Variants in RORB observed in about 807,000 individuals in gnomAD.
RORB encodes nuclear receptor ROR-beta.
RORB carries 6 observed loss-of-function variants against 59.1 expected under a neutral mutation model. The ratio of observed to expected loss-of-function variants is 0.10; its 90% CI spans 0.06 to 0.20. The LOEUF (loss-of-function observed/expected upper bound fraction) is 0.20. Ranked by LOEUF, RORB falls within the 10% of genes least tolerant of loss-of-function variation. The pLI is 1.00. For missense variants in RORB, 320 were observed against 560.5 expected (o/e 0.57, Z 4.33); for synonymous variants, 215 against 204.5 (o/e 1.05, Z -0.44).
chr9:74,586,045 C>T (rs1213092588), intron 1 of RORB, among the ~76,000 whole-genome samples: 22 of 151,994 alleles, frequency 1.4e-4, no homozygotes, highest in Non-Finnish European at 2.9e-4. Context: ...CCGCCCGCCT[C>T]GACCTCCCAA....
rs763954718 is a variant in RORB at position 74,527,494 on chromosome 9, A to G, written c.7+29511A>G. On this transcript the variant is annotated intron_variant, in intron 1 of 9. Transcript: ENST00000376896. The stretch of plus-strand genomic sequence containing the variant: ...ACAATGGTAAGTTCTACAAAGAATA[A>G]TAAAGCAAGGAAGAGGTTTAGAAAC... Among the ~76,000 whole-genome samples the G allele has an allele frequency of 9.9e-5, 15 of 152,064 alleles. 1 individual carries two copies. The highest frequency in any genetic ancestry group is 1.9e-4 in the Non-Finnish European group (13 of 67,954).
At chr9:74,550,421 G>A (rs944971453) in intron 1 of RORB, among the ~76,000 whole-genome samples, 2 of 152,202 alleles carry the variant, frequency 1.3e-5, no homozygotes, top group Non-Finnish European at 2.9e-5. Context: ...TCATTTAGCA[G>A]ACCAGGGTGG....
intron 1 of RORB, among the ~76,000 whole-genome samples, chr9:74,611,752 A>T (rs1367025450): frequency 6.6e-6 from 1 of 152,158 alleles, no homozygotes; most frequent in African/African-American, 2.4e-5. Flanking sequence ...GGCTCAAGCG[A>T]TTCTCCTGCC....
chr9:74,637,982 A>G (rs1823733235), intron 3 of RORB, among the ~76,000 whole-genome samples: 1 of 152,284 alleles, frequency 6.6e-6, no homozygotes, highest in South Asian at 2.1e-4. Flanking sequence ...GAGAGATTTT[A>G]AAATAATGAA....
At chr9:74,582,874 TA>T (rs1396551022) in intron 1 of RORB, among the ~76,000 whole-genome samples, 2 of 152,114 alleles carry the variant, frequency 1.3e-5, no homozygotes, top group Non-Finnish European at 2.9e-5. Flanking sequence ...TCTTGCAAAA[TA>T]AAAAAGATTC....
intron 9 of RORB, among the ~76,000 whole-genome samples, chr9:74,678,212 A>G (rs910783406): frequency 6.6e-6 from 1 of 152,238 alleles, no homozygotes; most frequent in African/African-American, 2.4e-5. Flanking sequence ...GAGAGCCAGA[A>G]TTTGAACCCA....
At chr9:74,560,699 T>G (rs1822384549) in intron 1 of RORB, among the ~76,000 whole-genome samples, 1 of 151,450 alleles carries the variant, frequency 6.6e-6, no homozygotes, top group African/African-American at 2.4e-5. Flanking sequence ...AAATAATAAA[T>G]TTATATAATA....
At chr9:74,639,716 A>G (rs909325952) in intron 3 of RORB, among the ~76,000 whole-genome samples, 42 of 152,214 alleles carry the variant, frequency 2.8e-4, no homozygotes, top group Admixed American at 2.6e-3. Flanking sequence ...ACTCTACAAC[A>G]AAGAGCTATT....
intron 1 of RORB, among the ~76,000 whole-genome samples, chr9:74,578,997 G>A (rs1408223177): frequency 5.3e-5 from 8 of 152,088 alleles, no homozygotes; most frequent in Non-Finnish European, 1.2e-4. Context: ...TTATATATAT[G>A]AGTAGATGAA....
chr9:74,581,664 A>G (rs1822725605), intron 1 of RORB, among the ~76,000 whole-genome samples: 2 of 152,136 alleles, frequency 1.3e-5, no homozygotes, highest in South Asian at 2.1e-4. Flanking sequence ...TACTCTCCCT[A>G]CAAAAGTCGG....
intron 1 of RORB, among the ~76,000 whole-genome samples, chr9:74,499,597 G>A (rs1317233633): frequency 6.6e-6 from 1 of 152,186 alleles, no homozygotes; most frequent in Non-Finnish European, 1.5e-5. Context: ...CCAGCTGATT[G>A]TCCCGGTTGG....
intron 1 of RORB, among the ~76,000 whole-genome samples, chr9:74,576,335 A>G (rs1822634618): frequency 6.6e-6 from 1 of 152,106 alleles, no homozygotes; most frequent in African/African-American, 2.4e-5. Flanking sequence ...CATTAACTGG[A>G]CGAGCCTTGC....
chr9:74,616,659 T>TA (rs1823317355), intron 1 of RORB, among the ~76,000 whole-genome samples: 1 of 152,194 alleles, frequency 6.6e-6, no homozygotes, highest in South Asian at 2.1e-4. Context: ...ACACTAGACA[T>TA]ACTAACGTCT....
intron 1 of RORB, among the ~76,000 whole-genome samples, chr9:74,589,827 C>A (rs752880974): frequency 1.3e-5 from 2 of 152,148 alleles, no homozygotes; most frequent in Non-Finnish European, 2.9e-5. Flanking sequence ...TAACCACAGA[C>A]ACCAGGTTGG....
Position 74,665,615 on chromosome 9 carries a change from G to A in RORB, c.1000+20G>A. 2 of 1,473,076 alleles carry A rather than the reference G, an allele frequency of 1.4e-6. No homozygotes were observed. Among genetic ancestry groups the A allele is most frequent in the Non-Finnish European group, 1.9e-6 (2 of 1,055,366 alleles). The allele number at this position is 1,473,076 out of a possible 1,614,324, so 91.3% of individuals were successfully genotyped here. On this transcript the variant is annotated intron_variant, in intron 7 of 9. Coordinates refer to ENST00000376896, the MANE Select transcript of RORB (RefSeq NM_006914.4). ...CCTTAGGTAAGTTTCCCTTTGATGA[G>A]GACACAATTTTATTAGCCACCATCA...
intron 1 of RORB, among the ~76,000 whole-genome samples, chr9:74,553,608 A>C (rs1477319232): frequency 4.6e-5 from 7 of 152,218 alleles, no homozygotes; most frequent in Non-Finnish European, 2.9e-5. Context: ...TCAAAGAGAA[A>C]GCACAAGTTC....
intron 4 of RORB, among the ~76,000 whole-genome samples, chr9:74,649,141 G>A (rs1415918474): frequency 2.0e-5 from 3 of 151,876 alleles, no homozygotes; most frequent in Admixed American, 2.0e-4. Flanking sequence ...GTAGAGACAG[G>A]GTTTCACCAT....
At chr9:74,500,900 T>A (rs1026403263) in intron 1 of RORB, among the ~76,000 whole-genome samples, 3 of 151,918 alleles carry the variant, frequency 2.0e-5, no homozygotes, top group Non-Finnish European at 2.9e-5. Context: ...AAGCCTTTCA[T>A]CCTTTGTCTG....
At chr9:74,630,122 C>A in intron 1 of RORB, 160 bp from the exon 2 acceptor site, 2 of 464,458 alleles carry the variant, frequency 4.3e-6, no homozygotes, top group South Asian at 9.2e-5. Context: ...AAGCTTAGGA[C>A]AGCCATGCAA....
Sources: allele counts gnomAD v4.1 joint callset (sites outside exome capture counted in the v4.1 genomes callset), GRCh38; gene constraint gnomAD v4.1.1; transcripts MANE v1.5; gene names NCBI Gene and HGNC (gene_info 2026-07-23, HGNC 2026-07-21).